SLC4A10: variants seen among roughly 807,000 people sequenced by gnomAD.
SLC4A10 encodes the protein sodium-driven chloride bicarbonate exchanger.
In SLC4A10, 42 loss-of-function variants were observed where a neutral mutation model predicts 137.7. The ratio of observed to expected loss-of-function variants is 0.30; its 90% CI spans 0.24 to 0.39. The LOEUF (loss-of-function observed/expected upper bound fraction) is 0.39, where lower values mean the gene tolerates loss of function less well. Among genes scored for constraint, SLC4A10 ranks in the 10% least tolerant of loss-of-function variants. The pLI, the probability that SLC4A10 is intolerant of heterozygous loss-of-function variation, is 1.00. For missense variants in SLC4A10, 925 were observed against 1,355.0 expected (o/e 0.68, Z 4.98); for synonymous variants, 474 against 464.1 (o/e 1.02, Z -0.27).
intron 1 of SLC4A10, among the ~76,000 whole-genome samples, chr2:161,672,047 TG>T (rs1042124028): frequency 8.6e-5 from 13 of 151,978 alleles, no homozygotes; most frequent in Admixed American, 7.2e-4. Flanking sequence ...AAAAAGAGAA[TG>T]GGGGGTGTGG....
At chr2:161,803,975 A>G (rs1229821008) in intron 2 of SLC4A10, among the ~76,000 whole-genome samples, 1 of 152,174 alleles carries the variant, frequency 6.6e-6, no homozygotes, top group Non-Finnish European at 1.5e-5. Context: ...CAAGTGTAAC[A>G]TATAGAAATA....
At chr2:161,941,647 G>A (rs1238010971) in intron 15 of SLC4A10, among the ~76,000 whole-genome samples, 1 of 152,178 alleles carries the variant, frequency 6.6e-6, no homozygotes, top group South Asian at 2.1e-4. Flanking sequence ...GGGAAGGAAT[G>A]CTAGCCAGTT....
intron 1 of SLC4A10, among the ~76,000 whole-genome samples, chr2:161,703,101 A>T (rs2043290782): frequency 6.6e-6 from 1 of 151,708 alleles, no homozygotes; most frequent in Non-Finnish European, 1.5e-5. Flanking sequence ...ACCCTTCTGG[A>T]GGGAAATTCA....
At chr2:161,843,525 G>A (rs1280836689) in intron 4 of SLC4A10, among the ~76,000 whole-genome samples, 1 of 152,108 alleles carries the variant, frequency 6.6e-6, no homozygotes, top group East Asian at 1.9e-4. Context: ...AGATATTGAA[G>A]GGGAGGGTAG....
chr2:161,795,379 T>C (rs1682504782), intron 2 of SLC4A10, among the ~76,000 whole-genome samples: 1 of 152,112 alleles, frequency 6.6e-6, no homozygotes. Context: ...GCTTTTTTTG[T>C]TTTTTAACTT....
intron 24 of SLC4A10, among the ~76,000 whole-genome samples, 198 bp downstream of exon 24, chr2:161,974,514 T>C (rs1007445380): frequency 2.6e-5 from 4 of 152,168 alleles, no homozygotes; most frequent in African/African-American, 7.2e-5. Flanking sequence ...CAAATTGCAT[T>C]AAATGAAGTG....
At chr2:161,817,960 T>C (rs376586860) in intron 3 of SLC4A10, among the ~76,000 whole-genome samples, 5,876 of 144,990 alleles carry the variant, frequency 0.041, 165 homozygotes, top group East Asian at 0.097. Flanking sequence ...CTTGGTGATG[T>C]GGGTTCTTTT....
chr2:161,766,341 G>A (rs190634816), intron 1 of SLC4A10, among the ~76,000 whole-genome samples: 1 of 152,180 alleles, frequency 6.6e-6, no homozygotes, highest in East Asian at 1.9e-4. Context: ...TAGCATAGGT[G>A]CCTTATATAA....
chr2:161,824,583 T>C (rs935996591), intron 3 of SLC4A10, among the ~76,000 whole-genome samples: 3 of 152,146 alleles, frequency 2.0e-5, no homozygotes, highest in Admixed American at 6.6e-5. Context: ...GATGACTCGA[T>C]GAAGATGAGT....
chr2:161,909,098 G>T, intron 15 of SLC4A10, among the ~76,000 whole-genome samples: 1 of 101,640 alleles, frequency 9.8e-6, no homozygotes, highest in African/African-American at 3.8e-5. Context: ...GGGGGGAGGG[G>T]GGAGGGATAG....
intron 7 of SLC4A10, among the ~76,000 whole-genome samples, 165 bp downstream of exon 7, chr2:161,872,549 T>C (rs541002005): frequency 3.6e-5 from 3 of 83,018 alleles, no homozygotes; most frequent in Admixed American, 1.6e-4. Context: ...TGTAACATTT[T>C]GCCTATTCAA....
At chr2:161,773,061 A>G (rs2125430407) in intron 2 of SLC4A10, among the ~76,000 whole-genome samples, 1 of 152,028 alleles carries the variant, frequency 6.6e-6, no homozygotes, top group African/African-American at 2.4e-5. Context: ...TGGTGTTACT[A>G]TAACAGAATA....
Position 161,787,838 on chromosome 2 carries a change from G to A in SLC4A10, c.131-16611G>A, listed in dbSNP as rs778653176. 9.0e-4 allele frequency among the ~76,000 whole-genome samples: 136 copies of A among 151,846 alleles called. 1 individual carries two copies. The highest frequency in any genetic ancestry group is 1.4e-3 in the Non-Finnish European group (98 of 67,944). ...TTGTTCTTCTGGTTTCTTTGTATTGGTTTTCAACATTCTCTTGGATATCAT... is the reference window on the plus strand; with the variant it reads ...TTGTTCTTCTGGTTTCTTTGTATTGATTTTCAACATTCTCTTGGATATCAT... On this transcript the variant is annotated intron_variant, in intron 2 of 26. Coordinates refer to ENST00000446997, the MANE Select transcript of SLC4A10 (RefSeq NM_001178015.2).
chr2:161,948,420 T>G (rs781746494), intron 17 of SLC4A10, among the ~76,000 whole-genome samples: 1 of 152,146 alleles, frequency 6.6e-6, no homozygotes, highest in Non-Finnish European at 1.5e-5. Flanking sequence ...AGGTGGAAGA[T>G]TCATTTATTT....
At chr2:161,871,880 G>A (rs182129665) in intron 6 of SLC4A10, among the ~76,000 whole-genome samples, 34 of 152,016 alleles carry the variant, frequency 2.2e-4, no homozygotes, top group African/African-American at 5.5e-4. Flanking sequence ...ATAAATATCC[G>A]TCCTTTTTAA....
intron 2 of SLC4A10, among the ~76,000 whole-genome samples, chr2:161,780,738 A>T (rs1001061886): frequency 6.6e-6 from 1 of 152,034 alleles, no homozygotes; most frequent in Non-Finnish European, 1.5e-5. Context: ...TATTGCATGT[A>T]AAGTAATTCA....
At chr2:161,820,417 A>C (rs1371100079) in intron 3 of SLC4A10, among the ~76,000 whole-genome samples, 1 of 152,178 alleles carries the variant, frequency 6.6e-6, no homozygotes. Flanking sequence ...GTGTAATACC[A>C]CCTTGGCTGG....
At chr2:161,847,323 T>C (rs1049620907) in intron 4 of SLC4A10, among the ~76,000 whole-genome samples, 1 of 151,468 alleles carries the variant, frequency 6.6e-6, no homozygotes, top group African/African-American at 2.4e-5. Flanking sequence ...AGAGCCCAAA[T>C]CTTATCAGTA....
At position 161,945,176 on chromosome 2, in the gene SLC4A10, T is replaced by TTG. The variant is rs10637760; in HGVS notation, c.2103+2285_2103+2286dup. On this transcript the variant is annotated intron_variant, in intron 16 of 26. Coordinates refer to ENST00000446997, the MANE Select transcript of SLC4A10 (RefSeq NM_001178015.2). ...TTATGGCAAACTGGAGTACTTAAGT[T>TTG]TGTGTGTATATATATATATATATAT... 1.4e-3 allele frequency among the ~76,000 whole-genome samples: 147 copies of TTG among 105,382 alleles called. No individual in the cohort carries two copies. The East Asian group carries it at 0.014, about 10-fold the overall frequency. The allele number at this position is 105,382 out of a possible 152,430, so 69.1% of individuals were successfully genotyped here.
Sources: gnomAD v4.1 joint callset for allele counts (sites outside exome capture counted in the v4.1 genomes callset) on GRCh38, gnomAD v4.1.1 for gene constraint, MANE v1.5 for transcripts, NCBI Gene and HGNC (gene_info 2026-07-23, HGNC 2026-07-21) for gene names.